The following ARHGAP12 variants were observed in gnomAD, a reference collection of about 807,000 sequenced individuals.
The protein encoded by ARHGAP12 is Rho GTPase activating protein 12.
In ARHGAP12, 64 loss-of-function variants were observed where a neutral mutation model predicts 108.6. The ratio of observed to expected loss-of-function variants is 0.59; its 90% confidence interval spans 0.48 to 0.73. The LOEUF (loss-of-function observed/expected upper bound fraction) is 0.73. Ranked by LOEUF, ARHGAP12 falls within the 30% of genes least tolerant of loss-of-function variation. The pLI, the probability that ARHGAP12 is intolerant of heterozygous loss-of-function variation, is 0.00. For missense variants in ARHGAP12, 940 were observed against 1,005.9 expected (o/e 0.93, Z 0.89); for synonymous variants, 312 against 337.2 (o/e 0.93, Z 0.82).
chr10:31,826,419 A>G lies in ARHGAP12; in HGVS notation c.1449-34T>C, dbSNP rs80338577. On this transcript the variant is annotated intron_variant, in intron 10 of 19. Transcript: ENST00000344936. Reference sequence around the variant, plus strand: ...ATAAAGATGACCGATTAAAGCTCCAATCTCGAGTTCTTTCAGCCAAATTCA... The same window carrying G: ...ATAAAGATGACCGATTAAAGCTCCAGTCTCGAGTTCTTTCAGCCAAATTCA... The G allele has an allele frequency of 4.7e-3, 7,449 of 1,570,204 alleles. 292 individuals are homozygous for G. The African/African-American group carries it at 0.083, about 17-fold the overall frequency.
At chr10:31,919,022 C>T (rs117892522) in intron 1 of ARHGAP12, among the ~76,000 whole-genome samples, 1,658 of 152,270 alleles carry the variant, frequency 0.011, 12 homozygotes, top group Non-Finnish European at 0.015. Flanking sequence ...AAATGTGATA[C>T]ATACATAAAA....
intron 3 of ARHGAP12, among the ~76,000 whole-genome samples, chr10:31,892,710 C>T (rs77327163): frequency 6.6e-6 from 1 of 152,192 alleles, no homozygotes; most frequent in Non-Finnish European, 1.5e-5. Context: ...AGAAACTTAA[C>T]AAGCATATCC....
chr10:31,830,833 G>A (rs1835804373), intron 10 of ARHGAP12, among the ~76,000 whole-genome samples: 1 of 152,202 alleles, frequency 6.6e-6, no homozygotes, highest in Non-Finnish European at 1.5e-5. Context: ...AAAAAGGAAT[G>A]CAAATAAAAA....
chr10:31,841,379 T>C (rs908801496), intron 7 of ARHGAP12, among the ~76,000 whole-genome samples: 19 of 152,168 alleles, frequency 1.2e-4, no homozygotes, highest in Admixed American at 6.5e-4. Flanking sequence ...CCTTGACTTA[T>C]GATTGTTCAA....
intron 2 of ARHGAP12, among the ~76,000 whole-genome samples, chr10:31,909,216 CTTCCT>C (rs1380787990): frequency 6.6e-6 from 1 of 152,066 alleles, no homozygotes; most frequent in Non-Finnish European, 1.5e-5. Context: ...AAGAACTTTC[CTTCCT>C]TTCATTACTC....
Position 31,908,674 on chromosome 10 carries a change from G to A in ARHGAP12, c.182C>T (p.Ala61Val), listed in dbSNP as rs137936070. The stretch of plus-strand genomic sequence containing the variant: ...CACATACTGGGCTGGCACATAAAAC[G>A]CTTTGGAGTTTTCATCTGGCTTGAC... Reference protein sequence around the residue: ...WQVKPDENSKAFYVPAQYVKE... With the variant: ...WQVKPDENSKVFYVPAQYVKE... Residue 61 changes from alanine (A) to valine (V), a missense_variant, in exon 3 of 20, where the codon GCG (alanine) becomes GTG (valine). By Grantham distance (64) the Ala-to-Val change is moderately conservative (BLOSUM62 0). Transcript: ENST00000344936. The A allele has an allele frequency of 2.3e-5, 37 of 1,613,940 alleles. No individual in the cohort carries two copies. The African/African-American group carries it at 3.2e-4, about 14-fold the overall frequency.
At chr10:31,925,233 T>C (rs1367000380) in intron 1 of ARHGAP12, among the ~76,000 whole-genome samples, 1 of 152,210 alleles carries the variant, frequency 6.6e-6, no homozygotes, top group Non-Finnish European at 1.5e-5. Flanking sequence ...GACCCAATAC[T>C]GGCCACCATC....
At chr10:31,928,491 G>A (rs1276325258) in intron 1 of ARHGAP12, among the ~76,000 whole-genome samples, 192 bp downstream of exon 1, 1 of 149,770 alleles carries the variant, frequency 6.7e-6, no homozygotes, top group East Asian at 2.0e-4. Context: ...CGCGCCCAGA[G>A]CCCCTCGCTG....
At position 31,808,765 on chromosome 10, in the gene ARHGAP12, A is replaced by G. The variant is rs1834912458; in HGVS notation, c.2264-14T>C. 2 of 1,610,182 alleles carry G rather than the reference A, an allele frequency of 1.2e-6. No homozygotes were observed. The highest frequency in any genetic ancestry group is 3.4e-5 in the Admixed American group (2 of 59,314). Reference sequence around the variant, plus strand: ...TTGGTTCTTGCTCTGAAAAAAGATAATAACCAGATATTTTACAGCAAATTC... The same window carrying G: ...TTGGTTCTTGCTCTGAAAAAAGATAGTAACCAGATATTTTACAGCAAATTC... On this transcript the variant is annotated splice_polypyrimidine_tract_variant and intron_variant, in intron 18 of 19. Transcript: ENST00000344936.
intron 1 of ARHGAP12, among the ~76,000 whole-genome samples, chr10:31,926,342 A>AC (rs1840042466): frequency 1.3e-5 from 2 of 152,208 alleles, no homozygotes; most frequent in Admixed American, 1.3e-4. Context: ...TGAAGAAAAA[A>AC]AAAAAAAACC....
chr10:31,879,954 TTTC>T (rs1439174556), intron 3 of ARHGAP12, among the ~76,000 whole-genome samples: 2 of 152,222 alleles, frequency 1.3e-5, no homozygotes, highest in Non-Finnish European at 2.9e-5. Context: ...ATCAAATTTT[TTTC>T]TTATGGGAAA....
At chr10:31,856,447 A>G (rs1836888973) in intron 4 of ARHGAP12, among the ~76,000 whole-genome samples, 1 of 152,178 alleles carries the variant, frequency 6.6e-6, no homozygotes, top group African/African-American at 2.4e-5. Flanking sequence ...CCCACAAATT[A>G]TGGGTGAACC....
intron 3 of ARHGAP12, among the ~76,000 whole-genome samples, chr10:31,904,209 A>G (rs1839033343): frequency 6.6e-6 from 1 of 152,238 alleles, no homozygotes; most frequent in African/African-American, 2.4e-5. Context: ...GAAACAACCT[A>G]GATATTCTTT....
At chr10:31,860,647 A>G (rs547900068) in intron 4 of ARHGAP12, among the ~76,000 whole-genome samples, 1 of 152,388 alleles carries the variant, frequency 6.6e-6, no homozygotes, top group African/African-American at 2.4e-5. Context: ...TCATATATAA[A>G]TAAAACAATG....
intron 3 of ARHGAP12, among the ~76,000 whole-genome samples, chr10:31,866,232 T>C (rs1037008137): frequency 1.3e-5 from 2 of 152,192 alleles, no homozygotes; most frequent in African/African-American, 4.8e-5. Flanking sequence ...AGTATCAAAT[T>C]CAAAGACTTC....
intron 10 of ARHGAP12, among the ~76,000 whole-genome samples, chr10:31,829,013 G>T (rs560696587): frequency 3.9e-5 from 6 of 152,162 alleles, no homozygotes; most frequent in African/African-American, 1.2e-4. Context: ...TTAGCCACGC[G>T]TAGTGGCACA....
chr10:31,807,643 TGTC>T lies in ARHGAP12; in HGVS notation c.*12_*14del. The T allele has an allele frequency of 6.3e-7, 1 of 1,587,380 alleles. No homozygotes were observed. Among genetic ancestry groups the T allele is most frequent in the Non-Finnish European group, 8.5e-7 (1 of 1,170,604 alleles). ...GGAATCCAGCTTCTATTCCACAGGT[TGTC>T]TTCAGTAAGAATCAACGTCCGAAGA... On this transcript the variant is annotated 3_prime_UTR_variant, in exon 20 of 20. Coordinates refer to ENST00000344936, the MANE Select transcript of ARHGAP12 (RefSeq NM_018287.7).
At chr10:31,856,429 GAATTATACCCACA>G (rs1326220808) in intron 4 of ARHGAP12, among the ~76,000 whole-genome samples, 1 of 152,090 alleles carries the variant, frequency 6.6e-6, no homozygotes, top group Non-Finnish European at 1.5e-5. Context: ...AAACGCCAAA[GAATTATACCCACA>G]AATTATGGGT....
chr10:31,845,893 T>C (rs1485561692), intron 6 of ARHGAP12, among the ~76,000 whole-genome samples: 1 of 152,222 alleles, frequency 6.6e-6, no homozygotes, highest in African/African-American at 2.4e-5. Context: ...GTTTAGAGCA[T>C]TTACATTTAA....
Sources: allele counts gnomAD v4.1 joint callset (sites outside exome capture counted in the v4.1 genomes callset), GRCh38; gene constraint gnomAD v4.1.1; transcripts MANE v1.5; gene names NCBI Gene and HGNC (gene_info 2026-07-23, HGNC 2026-07-21).